Variants in UGGT1 observed in about 807,000 individuals in gnomAD.
UGGT1 encodes UDP-glucose:glycoprotein glucosyltransferase 1.
A neutral mutation model predicts 203.9 loss-of-function variants in UGGT1; 107 were observed. The ratio of observed to expected loss-of-function variants is 0.52; its 90% CI spans 0.45 to 0.62. The LOEUF is 0.62. Ranked by LOEUF, UGGT1 falls within the 20% of genes least tolerant of loss-of-function variation. The probability of loss-of-function intolerance (pLI) is 0.00; values close to 1 mark genes in which losing one functional copy is unlikely to be tolerated. For missense variants in UGGT1, 1,673 were observed against 1,867.2 expected (o/e 0.90, Z 1.92); for synonymous variants, 628 against 653.5 (o/e 0.96, Z 0.59).
At chr2:128,171,463 T>G in intron 28 of UGGT1, 179 bp downstream of exon 28, 1 of 602,346 alleles carries the variant, frequency 1.7e-6, no homozygotes, top group Non-Finnish European at 2.8e-6. Flanking sequence ...CATAGTGTGT[T>G]TGTAGCATTT....
intron 10 of UGGT1, among the ~76,000 whole-genome samples, chr2:128,122,174 A>G (rs968285226): frequency 6.6e-6 from 1 of 152,066 alleles, no homozygotes; most frequent in Non-Finnish European, 1.5e-5. Flanking sequence ...GGGTTTTGCC[A>G]TGTTGATCAG....
At chr2:128,148,274 C>T (rs957158389) in intron 18 of UGGT1, among the ~76,000 whole-genome samples, 1 of 152,078 alleles carries the variant, frequency 6.6e-6, no homozygotes, top group Admixed American at 6.6e-5. Flanking sequence ...ATCGGCCAGG[C>T]TCTAATTTCA....
intron 21 of UGGT1, 80 bp downstream of exon 21, chr2:128,156,495 A>G: frequency 9.0e-7 from 1 of 1,112,220 alleles, no homozygotes; most frequent in Non-Finnish European, 1.3e-6. Context: ...GAATTTATCA[A>G]CACTTAATTG....
Position 128,116,332 on chromosome 2 carries a change from T to C in UGGT1, c.861T>C (p.Phe287=). The part of the protein sequence containing the change: ...DPIDEVQGFL[F]GKLRDLHPDL... ...TTGATGAGGTTCAGGGGTTCCTCTT[T>C]GGAAAATTAAGGTATGTATGTTCTG... Residue 287 remains phenylalanine (F), a synonymous_variant, in exon 8 of 41, where the codon TTT becomes TTC. Transcript: ENST00000259253. 1 of 1,609,174 alleles carries C rather than the reference T, an allele frequency of 6.2e-7. No homozygotes were observed. Among genetic ancestry groups the C allele is most frequent in the Non-Finnish European group, 8.5e-7 (1 of 1,175,580 alleles).
intron 22 of UGGT1, among the ~76,000 whole-genome samples, chr2:128,158,173 A>G (rs1168903785): frequency 1.3e-5 from 2 of 152,208 alleles, no homozygotes; most frequent in Non-Finnish European, 1.5e-5. Context: ...TAAATCTTCA[A>G]ATGGTAGTAG....
chr2:128,166,035 G>T lies in UGGT1; in HGVS notation c.2921+1210G>T, dbSNP rs560106052. ...CCTCAGCCTCCCAAGGTGCTTGGCC[G>T]AAAACTTTTGTTTTAAATAAGCTTA... is the stretch of plus-strand genomic sequence containing the variant. On this transcript the variant is annotated intron_variant, in intron 26 of 40. Coordinates refer to ENST00000259253, the MANE Select transcript of UGGT1 (RefSeq NM_020120.4). Among the ~76,000 whole-genome samples, 34 of 152,264 alleles carry T rather than the reference G, an allele frequency of 2.2e-4. No individual in the cohort carries two copies. The South Asian group carries it at 6.4e-3, about 29-fold the overall frequency.
chr2:128,121,251 T>G lies in UGGT1; in HGVS notation c.1026T>G (p.Ala342=). 1 of 1,613,512 alleles carries G rather than the reference T, an allele frequency of 6.2e-7. No individual in the cohort carries two copies. Among genetic ancestry groups the G allele is most frequent in the Non-Finnish European group, 8.5e-7 (1 of 1,179,892 alleles). ...TCTTGGCTTCTCCTGTTGAGTTGGC[T>G]TTGGTTGTCATGAAGGATCTTAGTC... is the stretch of plus-strand genomic sequence containing the variant. ...ARILASPVEL[A]LVVMKDLSQN... The change falls in exon 10 of 41, where the codon GCT becomes GCG. Residue 342 remains alanine (A), a synonymous_variant. Transcript: ENST00000259253.
chr2:128,165,454 T>C (rs1476373884), intron 26 of UGGT1, among the ~76,000 whole-genome samples: 1 of 152,130 alleles, frequency 6.6e-6, no homozygotes, highest in Admixed American at 6.5e-5. Flanking sequence ...TCCCAGCACT[T>C]TGCGAGGCTG....
chr2:128,167,905 G>T (rs1690875183), intron 26 of UGGT1, among the ~76,000 whole-genome samples: 1 of 152,106 alleles, frequency 6.6e-6, no homozygotes, highest in South Asian at 2.1e-4. Context: ...GGCTCAGAAT[G>T]TGAACATGTT....
intron 8 of UGGT1, among the ~76,000 whole-genome samples, chr2:128,117,124 CT>C (rs1479228998): frequency 6.6e-6 from 1 of 151,982 alleles, no homozygotes; most frequent in Non-Finnish European, 1.5e-5. Context: ...GAGTCTTGCT[CT>C]TTTGCCCAGG....
At chr2:128,162,701 G>A (rs1280239227) in intron 25 of UGGT1, among the ~76,000 whole-genome samples, 2 of 152,106 alleles carry the variant, frequency 1.3e-5, no homozygotes, top group African/African-American at 2.4e-5. Flanking sequence ...AGGTCAGGAG[G>A]TACTCGTGAC....
intron 18 of UGGT1, among the ~76,000 whole-genome samples, chr2:128,151,540 T>G (rs1423041305): frequency 6.6e-6 from 1 of 152,226 alleles, no homozygotes; most frequent in Non-Finnish European, 1.5e-5. Context: ...TGCTCCTTAT[T>G]AAATAGCTAC....
chr2:128,152,935 T>C (rs1459479862), intron 19 of UGGT1, 31 bp downstream of exon 19: 2 of 1,603,690 alleles, frequency 1.2e-6, no homozygotes, highest in African/African-American at 2.7e-5. Flanking sequence ...AACCTTATGC[T>C]TTTTTTGACT....
chr2:128,097,523 T>TA lies in UGGT1; in HGVS notation c.154dup (p.Thr52AsnfsTer15), dbSNP rs1687167958. ...ACTCAAAAGCCATTACAACCTCTCT[T>TA]ACAACAAAATGGTTTTCCACTCCAT... On this transcript the variant is annotated frameshift_variant, in exon 2 of 41. Transcript: ENST00000259253. LOFTEE classifies it high-confidence loss of function. 2.5e-6 allele frequency: 4 copies of TA among 1,614,224 alleles called. No homozygotes were observed.
Position 128,189,801 on chromosome 2 carries a change from A to ATTT in UGGT1, c.*59_*60insTTT. 1 of 1,592,502 alleles carries ATTT rather than the reference A, an allele frequency of 6.3e-7. No homozygotes were observed. Among genetic ancestry groups the ATTT allele is most frequent in the Non-Finnish European group, 8.6e-7 (1 of 1,164,212 alleles). On this transcript the variant is annotated 3_prime_UTR_variant, in exon 41 of 41. Coordinates refer to ENST00000259253, the MANE Select transcript of UGGT1 (RefSeq NM_020120.4). ...AAAAACAGTTTTTATAATAAATGCT[A>ATTT]GTTTTTTCTGATCTGTCTATACAAC...
In UGGT1 at chr2:128,116,233, A is replaced by G. The variant is rs746158386; in HGVS notation, c.794-32A>G. On this transcript the variant is annotated intron_variant, in intron 7 of 40. Transcript: ENST00000259253. The stretch of plus-strand genomic sequence containing the variant: ...GTTTTTGTTTCAAATCTGAGCAATT[A>G]TTAATAATATGTATTTTCTATTCTT... The G allele has an allele frequency of 3.6e-6, 5 of 1,395,878 alleles. No individual in the cohort carries two copies. The Admixed American group carries it at 7.1e-5, about 20-fold the overall frequency. 86.5% of individuals were successfully genotyped at this position (1,395,878 alleles called of 1,614,324 possible). A position where few individuals can be genotyped will look rare whatever the true frequency, so the allele number is the denominator to read the frequency against.
intron 28 of UGGT1, 82 bp from the exon 29 acceptor site, chr2:128,172,491 A>G: frequency 1.4e-6 from 2 of 1,449,652 alleles, no homozygotes; most frequent in Non-Finnish European, 1.9e-6. Flanking sequence ...TGTTTTAACC[A>G]GTTGTTACCT....
chr2:128,133,924 C>G (rs1452423314), intron 14 of UGGT1, among the ~76,000 whole-genome samples: 2 of 152,088 alleles, frequency 1.3e-5, no homozygotes. Context: ...TCATTTCTTT[C>G]CCTTCCCTCA....
In UGGT1 at chr2:128,180,965, C is replaced by T. The variant is rs940562475; in HGVS notation, c.3976C>T (p.His1326Tyr). The T allele has an allele frequency of 2.5e-6, 4 of 1,614,052 alleles. No homozygotes were observed. Among genetic ancestry groups the T allele is most frequent in the Non-Finnish European group, 3.4e-6 (4 of 1,180,024 alleles). ...TCAGTACAAATGGCCCCGGTGGCTT[C>T]ATCAACAAACTGAAAAACAGCGTAT... Reference protein sequence around the residue: ...LVQYKWPRWLHQQTEKQRIIW... With the variant: ...LVQYKWPRWLYQQTEKQRIIW... Residue 1326 changes from histidine (H) to tyrosine (Y), a missense_variant, in exon 36 of 41, where the codon CAT (histidine) becomes TAT (tyrosine). By Grantham distance (83) the His-to-Tyr change is moderately conservative (BLOSUM62 2). Coordinates refer to ENST00000259253, the MANE Select transcript of UGGT1 (RefSeq NM_020120.4).
Sources: allele counts gnomAD v4.1 joint callset (sites outside exome capture counted in the v4.1 genomes callset), GRCh38; gene constraint gnomAD v4.1.1; transcripts MANE v1.5; gene names NCBI Gene and HGNC (gene_info 2026-07-23, HGNC 2026-07-21).